MAF: variants seen among roughly 807,000 people sequenced by gnomAD.
The protein encoded by MAF is transcription factor Maf.
Under a neutral mutation model 22.0 loss-of-function variants are expected in MAF, and 10 were observed. That is an observed-to-expected ratio of 0.45 (90% CI 0.28 to 0.77). The LOEUF is 0.77. MAF is among the 30% of genes least tolerant of loss of function. MAF has a pLI of 0.12. For synonymous variants in MAF, 337 were observed against 255.8 expected, an observed-to-expected ratio of 1.32 and a Z score of -3.03; for missense variants, 544 against 548.4, an observed-to-expected ratio of 0.99 and a Z score of 0.08.
At chr16:79,209,516 G>C in the MAF span, among the ~76,000 whole-genome samples, 2 of 152,148 alleles carry the variant, frequency 1.3e-5, no homozygotes, top group Non-Finnish European at 2.9e-5. Context: ...GGCATAGAGG[G>C]CGGGAGGCTG....
At chr16:79,586,361 C>G (rs536992354) in intron 1 of MAF, among the ~76,000 whole-genome samples, 1 of 152,170 alleles carries the variant, frequency 6.6e-6, no homozygotes, top group African/African-American at 2.4e-5. Flanking sequence ...GAGAACCACA[C>G]TGGCCCAGCT....
downstream of MAF, among the ~76,000 whole-genome samples, chr16:79,582,242 A>G (rs949980449): frequency 6.6e-6 from 1 of 152,226 alleles, no homozygotes. Flanking sequence ...AGCAAGCAGC[A>G]GGTGAAGGGA....
At chr16:79,335,421 G>A in the MAF span, among the ~76,000 whole-genome samples, 1 of 152,182 alleles carries the variant, frequency 6.6e-6, no homozygotes, top group Non-Finnish European at 1.5e-5. Flanking sequence ...AAGCTGAAAT[G>A]TGCATTTGAA....
chr16:79,208,546 C>A, the MAF span, among the ~76,000 whole-genome samples: 1 of 152,088 alleles, frequency 6.6e-6, no homozygotes, highest in Admixed American at 6.5e-5. Context: ...TTAGATGGCT[C>A]TTTCATCTTT....
chr16:79,210,157 C>G, the MAF span, among the ~76,000 whole-genome samples: 1 of 152,210 alleles, frequency 6.6e-6, no homozygotes, highest in African/African-American at 2.4e-5. Context: ...AGAGTCGTAT[C>G]ACTTGACTGC....
the MAF span, among the ~76,000 whole-genome samples, chr16:79,548,708 G>A: frequency 6.6e-6 from 1 of 152,072 alleles, no homozygotes; most frequent in Non-Finnish European, 1.5e-5. Context: ...CCCCAGGGAG[G>A]CAGTGCCCAT....
At chr16:79,273,704 T>C in the MAF span, among the ~76,000 whole-genome samples, 2 of 152,152 alleles carry the variant, frequency 1.3e-5, no homozygotes, top group Non-Finnish European at 2.9e-5. Context: ...CCTCCCACTG[T>C]AAAGAACTCT....
chr16:79,360,822 G>A, the MAF span, among the ~76,000 whole-genome samples: 1 of 152,152 alleles, frequency 6.6e-6, no homozygotes, highest in African/African-American at 2.4e-5. Context: ...AGCCCACCCA[G>A]CAGGGATGAC....
At chr16:79,207,832 C>T in the MAF span, among the ~76,000 whole-genome samples, 1 of 151,932 alleles carries the variant, frequency 6.6e-6, no homozygotes, top group African/African-American at 2.4e-5. Flanking sequence ...AACCTCTGTA[C>T]CCTTTCCTTT....
At chr16:79,259,122 G>T in the MAF span, among the ~76,000 whole-genome samples, 4 of 152,286 alleles carry the variant, frequency 2.6e-5, no homozygotes, top group Middle Eastern at 3.4e-3. Context: ...ACTCACCGAT[G>T]GCTTTCCATA....
chr16:79,489,061 G>T, the MAF span, among the ~76,000 whole-genome samples: 10 of 152,178 alleles, frequency 6.6e-5, no homozygotes, highest in East Asian at 1.2e-3. Context: ...GAGAAACGTG[G>T]CAACTATTCA....
the MAF span, among the ~76,000 whole-genome samples, chr16:79,368,496 T>C: frequency 1.3e-5 from 2 of 152,158 alleles, no homozygotes; most frequent in African/African-American, 4.8e-5. Flanking sequence ...GTGATCTTGG[T>C]CACTTTTCAC....
chr16:79,419,265 C>T, the MAF span, among the ~76,000 whole-genome samples: 21 of 152,222 alleles, frequency 1.4e-4, no homozygotes, highest in Non-Finnish European at 1.5e-4. Context: ...TTTGAGGAGG[C>T]TGAAAGGAAG....
chr16:79,217,834 T>A, the MAF span, among the ~76,000 whole-genome samples: 4 of 152,078 alleles, frequency 2.6e-5, no homozygotes, highest in South Asian at 8.3e-4. Flanking sequence ...TGGTTTTGCT[T>A]TTTAAAATGG....
the MAF span, among the ~76,000 whole-genome samples, chr16:79,394,575 G>A: frequency 1.8e-4 from 27 of 152,260 alleles, no homozygotes; most frequent in Non-Finnish European, 3.4e-4. Context: ...CCTCTCTGAG[G>A]TTCAGTCCCT....
the MAF span, among the ~76,000 whole-genome samples, chr16:79,207,771 A>G: frequency 2.3e-4 from 33 of 143,714 alleles, no homozygotes; most frequent in African/African-American, 7.5e-4. Context: ...TGCATTACAA[A>G]TATCAATATG....
the MAF span, among the ~76,000 whole-genome samples, chr16:79,513,517 G>A: frequency 3.3e-5 from 5 of 152,202 alleles, no homozygotes; most frequent in Non-Finnish European, 7.3e-5. Context: ...GCAGTTGAAG[G>A]CAAATACATG....
At chr16:79,376,994 G>C in the MAF span, among the ~76,000 whole-genome samples, 2 of 152,180 alleles carry the variant, frequency 1.3e-5, no homozygotes, top group Non-Finnish European at 2.9e-5. Flanking sequence ...ACGTGTGCAT[G>C]TGTCTTTATA....
chr16:79,303,192 G>A, the MAF span, among the ~76,000 whole-genome samples: 1 of 152,320 alleles, frequency 6.6e-6, no homozygotes, highest in Admixed American at 6.5e-5. Context: ...CTTAGAGCTG[G>A]AAGCATATTG....
Sources: gnomAD v4.1 joint callset for allele counts (sites outside exome capture counted in the v4.1 genomes callset) on GRCh38, gnomAD v4.1.1 for gene constraint, MANE v1.5 for transcripts, NCBI Gene and HGNC (gene_info 2026-07-23, HGNC 2026-07-21) for gene names.